The following CBFA2T3 variants were observed in gnomAD, a reference collection of about 807,000 sequenced individuals.
CBFA2T3 encodes the protein CBFA2/RUNX1 partner transcriptional co-repressor 3.
In CBFA2T3, 31 loss-of-function variants were observed where a neutral mutation model predicts 58.6. The observed-to-expected ratio is 0.53, with a 90% CI of 0.40 to 0.71. The LOEUF is 0.71. CBFA2T3 is among the 30% of genes least tolerant of loss of function. The pLI, the probability that CBFA2T3 is intolerant of heterozygous loss-of-function variation, is 0.00. For synonymous variants in CBFA2T3, 531 were observed against 421.9 expected (o/e 1.26, Z -3.17); for missense variants, 1,076 against 963.1 (o/e 1.12, Z -1.55).
intron 1 of CBFA2T3, among the ~76,000 whole-genome samples, chr16:88,944,773 G>C (rs1004543662): frequency 6.6e-6 from 1 of 152,258 alleles, no homozygotes; most frequent in Non-Finnish European, 1.5e-5. Context: ...TCTGATACCA[G>C]GTAAGACTCG....
chr16:88,885,096 G>A lies in CBFA2T3; in HGVS notation c.1067C>T (p.Ala356Val), dbSNP rs1229014779. Residue 356 changes from alanine to valine, a missense_variant, in exon 7 of 12, where the codon GCC becomes GTC. Ala to Val is a moderately conservative substitution (Grantham distance 64, BLOSUM62 0). Coordinates refer to ENST00000268679, the MANE Select transcript of CBFA2T3 (RefSeq NM_005187.6). The surrounding 1 kb of genome is among the most constrained non-coding windows in gnomAD (Gnocchi z 5.3). ...DIAMAHHFRD[A>V]YRHPDPRELR... ...CTCCCGGGGGTCTGGGTGGCGGTAG[G>A]CATCTCGGAAGTGGTGGGCCATGGC... 4 of 1,602,288 alleles carry A rather than the reference G, an allele frequency of 2.5e-6. No individual in the cohort carries two copies. The highest frequency in any genetic ancestry group is 4.5e-5 in the East Asian group (2 of 44,718).
At chr16:88,901,110 T>A (rs1597696945) in intron 2 of CBFA2T3, among the ~76,000 whole-genome samples, 1 of 152,238 alleles carries the variant, frequency 6.6e-6, no homozygotes, top group African/African-American at 2.4e-5. Flanking sequence ...CCATCCGAGT[T>A]CCACGTTCTC....
intron 5 of CBFA2T3, 48 bp downstream of exon 5, chr16:88,891,834 G>A (rs1356314840): frequency 9.8e-6 from 13 of 1,325,778 alleles, no homozygotes; most frequent in Middle Eastern, 4.4e-4. Flanking sequence ...GGGATTAAGG[G>A]GCCTTCTAGG....
intron 1 of CBFA2T3, chr16:88,902,343 C>G (rs1970131811): frequency 6.6e-6 from 1 of 152,270 alleles, no homozygotes; most frequent in Admixed American, 6.5e-5. Context: ...ATGGCCGAGG[C>G]CTGGCTGCGC....
rs1281204516 is a variant in CBFA2T3, at chr16:88,959,997, C to A, written c.151+16660G>T. Among the ~76,000 whole-genome samples the A allele has an allele frequency of 2.0e-5, 3 of 151,986 alleles. No homozygotes were observed. In the East Asian group the frequency reaches 5.8e-4, roughly 29 times the overall value. On this transcript the variant is annotated intron_variant, in intron 1 of 11. Coordinates refer to ENST00000268679, the MANE Select transcript of CBFA2T3 (RefSeq NM_005187.6). Reference sequence around the variant, plus strand: ...TGAGCCGAGATTGCACCACTGCACTCCAGCCTGGGTGACAGAGCCAGATTT... The same window carrying A: ...TGAGCCGAGATTGCACCACTGCACTACAGCCTGGGTGACAGAGCCAGATTT...
rs758720362 is a variant in CBFA2T3, at chr16:88,901,675, G to A, written c.152-19C>T. ...ACTGGGGCTGCGACCAACGGAGAAA[G>A]AAAGAGTCGGTGAAGCAGGCTAAGT... is the stretch of plus-strand genomic sequence containing the variant. On this transcript the variant is annotated intron_variant, in intron 1 of 11. Coordinates refer to ENST00000268679, the MANE Select transcript of CBFA2T3 (RefSeq NM_005187.6). 4.6e-6 allele frequency: 7 copies of A among 1,518,728 alleles called. No homozygotes were observed. The South Asian group carries it at 9.2e-5, about 20-fold the overall frequency. 94.1% of individuals were successfully genotyped at this position (1,518,728 alleles called of 1,614,324 possible).
chr16:88,889,424 G>C (rs938802783), intron 5 of CBFA2T3, among the ~76,000 whole-genome samples: 1 of 150,492 alleles, frequency 6.6e-6, no homozygotes, highest in African/African-American at 2.5e-5. Context: ...AGGGAGCGAG[G>C]GTGGGAACAG....
chr16:88,920,921 G>C (rs1219236151), intron 1 of CBFA2T3, among the ~76,000 whole-genome samples: 1 of 152,248 alleles, frequency 6.6e-6, no homozygotes, highest in Admixed American at 6.5e-5. Context: ...CACTGGGGAG[G>C]CATCTTGGAG....
chr16:88,904,364 A>G (rs1035362998), intron 1 of CBFA2T3, among the ~76,000 whole-genome samples: 1 of 151,488 alleles, frequency 6.6e-6, no homozygotes, highest in Non-Finnish European at 1.5e-5. Context: ...CCATTTTACT[A>G]GGACGGACCA....
rs772586739 is a variant in CBFA2T3, at chr16:88,898,071, T to C, written c.379+7A>G. 1 of 1,609,386 alleles carries C rather than the reference T, an allele frequency of 6.2e-7. No homozygotes were observed. The highest frequency in any genetic ancestry group is 1.7e-5 in the Admixed American group (1 of 60,008). On this transcript the variant is annotated splice_region_variant and intron_variant, in intron 3 of 11. Transcript: ENST00000268679. Reference sequence around the variant, plus strand: ...GGGAGGCCTGCGGTTTTTGTTATTTTACTTACAGAGACAGACCATAGACCA... The same window carrying C: ...GGGAGGCCTGCGGTTTTTGTTATTTCACTTACAGAGACAGACCATAGACCA...
At chr16:88,969,491 C>T (rs1471063353) in intron 1 of CBFA2T3, among the ~76,000 whole-genome samples, 3 of 152,218 alleles carry the variant, frequency 2.0e-5, no homozygotes, top group Non-Finnish European at 4.4e-5. Context: ...CCAAATCCCA[C>T]CCCAGCCTTC....
At chr16:88,941,287 C>T in intron 1 of CBFA2T3, 1 of 550,830 alleles carries the variant, frequency 1.8e-6, no homozygotes, top group Non-Finnish European at 2.3e-6. Flanking sequence ...GCCTCCGCGG[C>T]CCGCGCCGGG....
At chr16:88,942,913 G>A (rs1464832178) in intron 1 of CBFA2T3, among the ~76,000 whole-genome samples, 8 of 152,160 alleles carry the variant, frequency 5.3e-5, no homozygotes, top group Non-Finnish European at 1.0e-4. Context: ...TGGAGGGGGA[G>A]TTCTGAGCCC....
chr16:88,898,696 T>C (rs1330769476), intron 2 of CBFA2T3, among the ~76,000 whole-genome samples: 1 of 152,154 alleles, frequency 6.6e-6, no homozygotes, highest in Non-Finnish European at 1.5e-5. Context: ...AACAAAGCCC[T>C]GGGTCGGCAC....
chr16:88,961,558 C>T, intron 1 of CBFA2T3, among the ~76,000 whole-genome samples: 2 of 137,352 alleles, frequency 1.5e-5, no homozygotes, highest in African/African-American at 2.8e-5. Flanking sequence ...GGCATTCCCA[C>T]TCCATAGTAA....
Position 88,885,386 on chromosome 16 carries a change from C to T in CBFA2T3, c.894-117G>A, listed in dbSNP as rs1222973582. 23 of 656,000 alleles carry T rather than the reference C, an allele frequency of 3.5e-5. 1 individual carries two copies. The South Asian group carries it at 4.1e-4, about 12-fold the overall frequency. 40.6% of individuals were successfully genotyped at this position (656,000 alleles called of 1,614,324 possible). A position where few individuals can be genotyped will look rare whatever the true frequency, so the allele number is the denominator to read the frequency against. ...CAGAGAGAAAGAGGACACGTAAGGGCGAGACAGAAACACGGAGCAAAACAC... is the reference window on the plus strand; with the variant it reads ...CAGAGAGAAAGAGGACACGTAAGGGTGAGACAGAAACACGGAGCAAAACAC... On this transcript the variant is annotated intron_variant, in intron 6 of 11. Transcript: ENST00000268679. This position sits in a 1 kb window ranked among gnomAD's most constrained non-coding sequence, Gnocchi z 5.3.
chr16:88,894,017 A>C (rs1371339134), intron 3 of CBFA2T3, among the ~76,000 whole-genome samples: 4 of 152,126 alleles, frequency 2.6e-5, no homozygotes, highest in Admixed American at 2.6e-4. Context: ...GGAGGACTGA[A>C]GCCCCGCACA....
intron 1 of CBFA2T3, among the ~76,000 whole-genome samples, chr16:88,943,908 C>T (rs1272788607): frequency 3.3e-5 from 5 of 152,164 alleles, no homozygotes; most frequent in Non-Finnish European, 5.9e-5. Flanking sequence ...AGACAGACCA[C>T]GGGCGAGCAG....
chr16:88,954,419 C>T (rs7499619), intron 1 of CBFA2T3, among the ~76,000 whole-genome samples: 3 of 83,274 alleles, frequency 3.6e-5, no homozygotes, highest in Admixed American at 1.1e-4. Context: ...CCTGACCCCA[C>T]CCAAGGCTCC....
Sources: gnomAD v4.1 joint callset for allele counts (sites outside exome capture counted in the v4.1 genomes callset) on GRCh38, gnomAD v4.1.1 for gene constraint, Gnocchi (gnomAD v3.1) non-coding constraint, MANE v1.5 for transcripts, NCBI Gene and HGNC (gene_info 2026-07-23, HGNC 2026-07-21) for gene names.